C1GALT1: variants seen among roughly 807,000 people sequenced by gnomAD.
C1GALT1 encodes glycoprotein-N-acetylgalactosamine 3-beta-galactosyltransferase 1.
A neutral mutation model predicts 31.0 loss-of-function variants in C1GALT1; 11 were observed. The observed-to-expected ratio is 0.36, with a 90% CI of 0.22 to 0.59. C1GALT1 has a LOEUF of 0.59. C1GALT1 is among the 20% of genes least tolerant of loss of function. C1GALT1 has a pLI of 0.79. For missense variants in C1GALT1, 424 were observed against 425.2 expected (o/e 1.00, Z 0.03); for synonymous variants, 175 against 143.6 (o/e 1.22, Z -1.56).
At chr7:7,192,438 A>C (rs1781114871) in intron 1 of C1GALT1, among the ~76,000 whole-genome samples, 2 of 151,794 alleles carry the variant, frequency 1.3e-5, no homozygotes, top group African/African-American at 2.4e-5. Context: ...AATGGTCTCC[A>C]CCTCCATCCA....
intron 1 of C1GALT1, among the ~76,000 whole-genome samples, chr7:7,233,519 C>T (rs887129140): frequency 1.1e-4 from 16 of 152,300 alleles, no homozygotes; most frequent in African/African-American, 2.6e-4. Context: ...GTGATCCACC[C>T]GCCTTGGCCT....
intron 1 of C1GALT1, among the ~76,000 whole-genome samples, chr7:7,234,098 T>G (rs905136860): frequency 7.9e-5 from 12 of 152,328 alleles, no homozygotes; most frequent in Admixed American, 7.8e-4. Flanking sequence ...CCACCCCAAC[T>G]GTGACTGTCC....
chr7:7,221,532 A>G (rs1202114704), intron 1 of C1GALT1, among the ~76,000 whole-genome samples: 1 of 152,230 alleles, frequency 6.6e-6, no homozygotes, highest in Non-Finnish European at 1.5e-5. Flanking sequence ...GGTGATTGAT[A>G]ACTGGTGTTG....
chr7:7,247,927 A>C lies in C1GALT1; in HGVS notation c.*4200A>C, dbSNP rs1186826920. 6.6e-6 allele frequency: 1 copy of C among 152,068 alleles called. No homozygotes were observed. The highest frequency in any genetic ancestry group is 2.4e-5 in the African/African-American group (1 of 41,440). 9.4% of individuals were successfully genotyped at this position (152,068 alleles called of 1,614,324 possible). A position where few individuals can be genotyped will look rare whatever the true frequency, so the allele number is the denominator to read the frequency against. The stretch of plus-strand genomic sequence containing the variant: ...TGCTGGCTCTCGAGATACTTGCCCT[A>C]CTTAAAAATCTATAATTTAAAATTA... On this transcript the variant is annotated 3_prime_UTR_variant, in exon 4 of 4. Coordinates refer to ENST00000436587, the MANE Select transcript of C1GALT1 (RefSeq NM_020156.5).
At chr7:7,198,184 C>T (rs1781379261) in intron 1 of C1GALT1, among the ~76,000 whole-genome samples, 1 of 151,850 alleles carries the variant, frequency 6.6e-6, no homozygotes, top group African/African-American at 2.4e-5. Flanking sequence ...TCATAAATAG[C>T]TTATTATTTT....
chr7:7,231,168 A>G (rs1783055626), intron 1 of C1GALT1, among the ~76,000 whole-genome samples: 1 of 152,170 alleles, frequency 6.6e-6, no homozygotes, highest in Non-Finnish European at 1.5e-5. Flanking sequence ...TTAGCACTTT[A>G]AAAATAGTTC....
At chr7:7,161,961 C>CACATTAA (rs1780337737) in intron 2 of C1GALT1, among the ~76,000 whole-genome samples, 3 of 151,884 alleles carry the variant, frequency 2.0e-5, no homozygotes, top group Non-Finnish European at 4.4e-5. Flanking sequence ...TAAATGTGAA[C>CACATTAA]AGTTCAAAAA....
intron 1 of C1GALT1, among the ~76,000 whole-genome samples, chr7:7,226,793 C>T (rs1201886222): frequency 6.6e-6 from 1 of 152,094 alleles, no homozygotes. Context: ...AGCATGGAAT[C>T]TAGTTTAATG....
At chr7:7,201,338 T>A (rs1483231856) in intron 1 of C1GALT1, among the ~76,000 whole-genome samples, 1 of 152,122 alleles carries the variant, frequency 6.6e-6, no homozygotes, top group Non-Finnish European at 1.5e-5. Flanking sequence ...AGAACAGAGA[T>A]GTTGCTACCC....
chr7:7,195,174 A>G (rs1410230606), intron 1 of C1GALT1, among the ~76,000 whole-genome samples: 1 of 151,888 alleles, frequency 6.6e-6, no homozygotes, highest in Non-Finnish European at 1.5e-5. Flanking sequence ...TCTCAATTTC[A>G]TTTAGTTCTG....
chr7:7,196,118 G>A (rs768378779), intron 1 of C1GALT1, among the ~76,000 whole-genome samples: 9 of 152,024 alleles, frequency 5.9e-5, no homozygotes, highest in Non-Finnish European at 1.2e-4. Flanking sequence ...CAACGTGCAC[G>A]TTTGTTACAT....
At chr7:7,190,884 G>C (rs928691501) in intron 1 of C1GALT1, among the ~76,000 whole-genome samples, 1 of 151,990 alleles carries the variant, frequency 6.6e-6, no homozygotes, top group African/African-American at 2.4e-5. Flanking sequence ...AAATCTTCCT[G>C]TGTTTTAGCT....
At chr7:7,210,183 C>T (rs1478940834) in intron 1 of C1GALT1, among the ~76,000 whole-genome samples, 1 of 152,072 alleles carries the variant, frequency 6.6e-6, no homozygotes, top group Non-Finnish European at 1.5e-5. Flanking sequence ...ATATTTGTGA[C>T]TCTTGGAACA....
At chr7:7,158,742 G>C (rs951393347) in intron 2 of C1GALT1, among the ~76,000 whole-genome samples, 55 of 152,022 alleles carry the variant, frequency 3.6e-4, no homozygotes, top group African/African-American at 1.3e-3. Context: ...TATATGACAT[G>C]TAATAGGTGG....
At chr7:7,223,469 A>G (rs948858574) in intron 1 of C1GALT1, among the ~76,000 whole-genome samples, 1 of 152,168 alleles carries the variant, frequency 6.6e-6, no homozygotes, top group Non-Finnish European at 1.5e-5. Context: ...GGCCACACAC[A>G]GGTTCTTTAG....
At chr7:7,183,610 T>G in intron 1 of C1GALT1, 2 of 984,210 alleles carry the variant, frequency 2.0e-6, no homozygotes, top group Non-Finnish European at 1.2e-6. Flanking sequence ...TCGTACACTC[T>G]TAAAAGATGA....
intron 2 of C1GALT1, among the ~76,000 whole-genome samples, chr7:7,159,139 G>C (rs1309650365): frequency 6.6e-6 from 1 of 152,036 alleles, no homozygotes; most frequent in African/African-American, 2.4e-5. Context: ...GAATCATGAA[G>C]GTGTTATAAA....
chr7:7,234,456 C>G lies in C1GALT1; in HGVS notation c.137C>G (p.Pro46Arg), dbSNP rs1056404741. Residue 46 changes from proline (P) to arginine (R), a missense_variant, in exon 2 of 4, where the codon CCT becomes CGT. Coordinates refer to ENST00000436587, the MANE Select transcript of C1GALT1 (RefSeq NM_020156.5). ...CAGCCTAATGTTCTTCATAATGATC[C>G]TCATGCAAGGCATTCAGATGATAAT... ...DTQPNVLHND[P>R]HARHSDDNGQ... 1.9e-6 allele frequency: 3 copies of G among 1,613,866 alleles called. No individual in the cohort carries two copies. Among genetic ancestry groups the G allele is most frequent in the Non-Finnish European group, 8.5e-7 (1 of 1,179,882 alleles).
intron 1 of C1GALT1, among the ~76,000 whole-genome samples, chr7:7,231,613 A>G (rs189863759): frequency 2.2e-4 from 33 of 152,088 alleles, no homozygotes; most frequent in South Asian, 2.1e-3. Context: ...TAATCTTGCC[A>G]TTTAATTTCT....
Sources: allele counts gnomAD v4.1 joint callset (sites outside exome capture counted in the v4.1 genomes callset), GRCh38; gene constraint gnomAD v4.1.1; transcripts MANE v1.5; gene names NCBI Gene and HGNC (gene_info 2026-07-23, HGNC 2026-07-21).